Variants in ADAMTSL1 observed in about 807,000 individuals in gnomAD.
The protein encoded by ADAMTSL1 is ADAMTS like 1.
Under a neutral mutation model 201.8 loss-of-function variants are expected in ADAMTSL1, and 126 were observed. That is an observed-to-expected ratio of 0.62 (90% CI 0.54 to 0.72). The LOEUF (loss-of-function observed/expected upper bound fraction) is 0.72, where lower values mean the gene tolerates loss of function less well. Ranked by LOEUF, ADAMTSL1 falls within the 30% of genes least tolerant of loss-of-function variation. ADAMTSL1 has a pLI of 0.00. For synonymous variants in ADAMTSL1, 1,121 were observed against 903.4 expected, an observed-to-expected ratio of 1.24 and a Z score of -4.32; for missense variants, 2,679 against 2,277.8, an observed-to-expected ratio of 1.18 and a Z score of -3.59.
intron 1 of ADAMTSL1, among the ~76,000 whole-genome samples, chr9:18,476,293 T>G (rs915543833): frequency 2.0e-5 from 3 of 152,066 alleles, no homozygotes; most frequent in Non-Finnish European, 4.4e-5. Context: ...TTTAAACCCG[T>G]TTTTTCAGGC....
intron 2 of ADAMTSL1, among the ~76,000 whole-genome samples, chr9:18,523,284 G>A (rs568776191): frequency 2.6e-5 from 4 of 152,022 alleles, no homozygotes; most frequent in Admixed American, 6.6e-5. Flanking sequence ...TTTTTGATGG[G>A]GTTTTTTGTT....
intron 2 of ADAMTSL1, among the ~76,000 whole-genome samples, chr9:18,396,173 C>G (rs1462693443): frequency 1.3e-5 from 2 of 152,140 alleles, no homozygotes; most frequent in African/African-American, 2.4e-5. Context: ...TGGCCTGCCT[C>G]TTAGGTGCTC....
chr9:18,462,376 A>G (rs1820838904), intron 2 of ADAMTSL1, among the ~76,000 whole-genome samples: 1 of 152,222 alleles, frequency 6.6e-6, no homozygotes. Context: ...CCTATGCTAC[A>G]TACTGGGGTA....
intron 18 of ADAMTSL1, 73 bp downstream of exon 18, chr9:18,775,969 C>A: frequency 1.3e-6 from 2 of 1,531,700 alleles, no homozygotes; most frequent in East Asian, 2.5e-5. Context: ...CACGCCGTGG[C>A]CTTCCCTAAA....
intron 13 of ADAMTSL1, among the ~76,000 whole-genome samples, chr9:18,693,899 TGCTGTAAAGA>T (rs1055106518): frequency 5.3e-5 from 8 of 152,204 alleles, no homozygotes; most frequent in African/African-American, 1.9e-4. Context: ...CTTCTCACAT[TGCTGTAAAGA>T]GCTGTCTGAG....
chr9:18,819,268 C>T (rs1478361914), intron 21 of ADAMTSL1, among the ~76,000 whole-genome samples: 3 of 151,998 alleles, frequency 2.0e-5, no homozygotes, highest in African/African-American at 7.2e-5. Context: ...CCAGCCTGGC[C>T]AACATGGTGA....
intron 2 of ADAMTSL1, among the ~76,000 whole-genome samples, chr9:18,425,859 G>GGA (rs1254605356): frequency 1.1e-5 from 1 of 94,608 alleles, no homozygotes; most frequent in East Asian, 3.1e-4. Context: ...CCTGTCTCAA[G>GGA]AAAAAAAAAA....
At chr9:18,231,825 C>T (rs1312680114) in intron 2 of ADAMTSL1, among the ~76,000 whole-genome samples, 2 of 152,312 alleles carry the variant, frequency 1.3e-5, no homozygotes, top group African/African-American at 2.4e-5. Context: ...CCTTGACTCT[C>T]CTTGGCCAGG....
At chr9:18,379,579 G>C (rs1004584043) in intron 2 of ADAMTSL1, among the ~76,000 whole-genome samples, 2 of 152,188 alleles carry the variant, frequency 1.3e-5, no homozygotes, top group Non-Finnish European at 2.9e-5. Flanking sequence ...TTGACAATGG[G>C]AATGAGCTGA....
chr9:18,489,022 C>T (rs185885805), intron 1 of ADAMTSL1, among the ~76,000 whole-genome samples: 26 of 152,230 alleles, frequency 1.7e-4, no homozygotes, highest in Non-Finnish European at 2.9e-4. Context: ...TAAAAATCAC[C>T]TCAGGAATTC....
intron 1 of ADAMTSL1, among the ~76,000 whole-genome samples, chr9:18,031,360 G>A (rs1166059708): frequency 6.6e-6 from 1 of 152,034 alleles, no homozygotes. Flanking sequence ...CTTGACTGTG[G>A]TGTGTTGTGT....
At chr9:18,424,615 A>G (rs1340050) in intron 2 of ADAMTSL1, among the ~76,000 whole-genome samples, 101,379 of 152,044 alleles carry the variant, frequency 0.67, 34,004 homozygotes, top group East Asian at 0.88. Context: ...TACAAGGGGA[A>G]GAAAGCTGTG....
At chr9:18,545,401 G>A (rs944430495) in intron 3 of ADAMTSL1, among the ~76,000 whole-genome samples, 2 of 151,982 alleles carry the variant, frequency 1.3e-5, no homozygotes, top group Non-Finnish European at 2.9e-5. Flanking sequence ...TTCTCATTTA[G>A]TAAACAGCAA....
At chr9:17,937,172 A>G (rs1827042726) in intron 1 of ADAMTSL1, among the ~76,000 whole-genome samples, 1 of 152,286 alleles carries the variant, frequency 6.6e-6, no homozygotes, top group Non-Finnish European at 1.5e-5. Flanking sequence ...TTTTGAAAGC[A>G]TCTTCTCTAA....
At chr9:18,122,026 A>G (rs1825522522) in intron 1 of ADAMTSL1, among the ~76,000 whole-genome samples, 1 of 152,186 alleles carries the variant, frequency 6.6e-6, no homozygotes, top group South Asian at 2.1e-4. Flanking sequence ...AATATCCAGA[A>G]TAGGCAAATA....
At chr9:17,923,789 G>A (rs200211679) in intron 1 of ADAMTSL1, among the ~76,000 whole-genome samples, 1 of 139,046 alleles carries the variant, frequency 7.2e-6, no homozygotes, top group Non-Finnish European at 1.5e-5. Flanking sequence ...ATTATTTTGA[G>A]ATACGTCCCA....
intron 23 of ADAMTSL1, among the ~76,000 whole-genome samples, chr9:18,885,861 C>G (rs1828818417): frequency 6.6e-6 from 1 of 152,038 alleles, no homozygotes; most frequent in Non-Finnish European, 1.5e-5. Context: ...GATAGAAGGC[C>G]TGCCGCACAA....
At chr9:18,130,064 C>T (rs1174514730) in intron 1 of ADAMTSL1, among the ~76,000 whole-genome samples, 1 of 152,144 alleles carries the variant, frequency 6.6e-6, no homozygotes, top group Non-Finnish European at 1.5e-5. Flanking sequence ...TGCATGGGGC[C>T]CTGTCTCAGA....
intron 2 of ADAMTSL1, among the ~76,000 whole-genome samples, chr9:18,303,071 C>T (rs888682875): frequency 7.9e-5 from 12 of 151,948 alleles, no homozygotes; most frequent in African/African-American, 1.9e-4. Context: ...CTTAAATAAT[C>T]GAAAAGATAG....
Sources: allele counts gnomAD v4.1 joint callset (sites outside exome capture counted in the v4.1 genomes callset), GRCh38; gene constraint gnomAD v4.1.1; transcripts MANE v1.5; gene names NCBI Gene and HGNC (gene_info 2026-07-23, HGNC 2026-07-21).